The following QRSL1 variants were observed in gnomAD, a reference collection of about 807,000 sequenced individuals.
The protein encoded by QRSL1 is glutaminyl-tRNA amidotransferase subunit QRSL1.
In QRSL1, 54 loss-of-function variants were observed where a neutral mutation model predicts 61.6. The observed-to-expected ratio is 0.88, with a 90% CI of 0.70 to 1.10. QRSL1 has a LOEUF of 1.10. QRSL1 is among the 50% of genes least tolerant of loss of function. QRSL1 has a pLI of 0.00. For synonymous variants in QRSL1, 228 were observed against 225.7 expected (o/e 1.01, Z -0.09); for missense variants, 505 against 622.6 (o/e 0.81, Z 2.01).
intron 1 of QRSL1, among the ~76,000 whole-genome samples, chr6:106,639,440 G>A (rs1226601944): frequency 6.6e-6 from 1 of 152,076 alleles, no homozygotes; most frequent in African/African-American, 2.4e-5. Flanking sequence ...GTTGTTTTAA[G>A]GGTTAAATGA....
rs111428333 is a variant in QRSL1 at position 106,643,589 on chromosome 6, A to G, written c.380+499A>G. 1.8e-3 allele frequency among the ~76,000 whole-genome samples: 280 copies of G among 151,816 alleles called. 1 individual carries two copies. Among genetic ancestry groups the G allele is most frequent in the African/African-American group, 6.5e-3 (270 of 41,412 alleles). ...CAGCTACTTGGGAGGCTGAGGCGGG[A>G]GAATCGCTTGAACCCGGGAGGCGGA... On this transcript the variant is annotated intron_variant, in intron 4 of 10. Coordinates refer to ENST00000369046, the MANE Select transcript of QRSL1 (RefSeq NM_018292.5).
chr6:106,630,155 C>G (rs1420822321), intron 1 of QRSL1, among the ~76,000 whole-genome samples: 3 of 152,168 alleles, frequency 2.0e-5, no homozygotes. Flanking sequence ...TAGGATTTAC[C>G]TACCACTAAG....
Position 106,665,787 on chromosome 6 carries a change from C to A in QRSL1, c.1372C>A (p.Pro458Thr), listed in dbSNP as rs760171031. 6.2e-7 allele frequency: 1 copy of A among 1,613,724 alleles called. No individual in the cohort carries two copies. Residue 458 changes from proline to threonine, a missense_variant, in exon 11 of 11, where the codon CCA becomes ACA. Physicochemically the swap from Pro to Thr is conservative, Grantham distance 38 (BLOSUM62 -1). Coordinates refer to ENST00000369046, the MANE Select transcript of QRSL1 (RefSeq NM_018292.5). Reference protein sequence around the residue: ...FTQAVNMAGLPAVSIPVALSN... With the variant: ...FTQAVNMAGLTAVSIPVALSN... The stretch of plus-strand genomic sequence containing the variant: ...GGGTTTCCTTCTTTTCCCAGGATTG[C>A]CAGCAGTGAGTATCCCTGTTGCACT...
chr6:106,650,708 A>T (rs574877559), intron 5 of QRSL1, among the ~76,000 whole-genome samples: 4 of 152,360 alleles, frequency 2.6e-5, no homozygotes, highest in Admixed American at 2.0e-4. Flanking sequence ...AATAAGTTGC[A>T]GAACCCATTT....
intron 1 of QRSL1, among the ~76,000 whole-genome samples, chr6:106,637,252 G>C (rs1776939468): frequency 6.6e-6 from 1 of 152,338 alleles, no homozygotes; most frequent in East Asian, 1.9e-4. Flanking sequence ...AGATCAAACG[G>C]ATGTTAGTAA....
chr6:106,646,433 A>G (rs1300540114), intron 4 of QRSL1, among the ~76,000 whole-genome samples: 1 of 152,176 alleles, frequency 6.6e-6, no homozygotes, highest in African/African-American at 2.4e-5. Context: ...TATGAAAACA[A>G]AAAAAGGGCT....
intron 9 of QRSL1, among the ~76,000 whole-genome samples, chr6:106,659,745 A>G (rs1279152976): frequency 2.6e-5 from 4 of 152,236 alleles, no homozygotes; most frequent in African/African-American, 9.6e-5. Flanking sequence ...CTTTGTTAAG[A>G]TAAATCCAAA....
chr6:106,637,884 T>G (rs1227487289), intron 1 of QRSL1, among the ~76,000 whole-genome samples: 1 of 152,232 alleles, frequency 6.6e-6, no homozygotes, highest in East Asian at 1.9e-4. Context: ...TCCACTTCCC[T>G]TATTGATTTT....
Position 106,663,001 on chromosome 6 carries a change from C to T in QRSL1, c.1182C>T (p.Val394=), listed in dbSNP as rs755876680. The T allele has an allele frequency of 1.2e-6, 2 of 1,610,674 alleles. No homozygotes were observed. The highest frequency in any genetic ancestry group is 8.5e-7 in the Non-Finnish European group (1 of 1,176,916). ...LLKENYENYF[V]KAQKVRRLIA... ...ACAGAAACTATGAAAATTATTTTGT[C>T]AAAGCACAGAAAGTGAGACGCCTCA... Residue 394 remains valine, a synonymous_variant, in exon 10 of 11, where the codon GTC becomes GTT. Transcript: ENST00000369046.
Position 106,629,615 on chromosome 6 carries a change from C to T in QRSL1, c.-67C>T, listed in dbSNP as rs1776763280. On this transcript the variant is annotated 5_prime_UTR_variant, in exon 1 of 11. Coordinates refer to ENST00000369046, the MANE Select transcript of QRSL1 (RefSeq NM_018292.5). ...AGATGGCTGCGCCCATGTAACATCA[C>T]TAGCGACCGGTGACCTCTTTTTCCC... 25 of 1,554,110 alleles carry T rather than the reference C, an allele frequency of 1.6e-5. No homozygotes were observed. The highest frequency in any genetic ancestry group is 2.2e-5 in the Non-Finnish European group (25 of 1,148,444).
rs34221917 is a variant in QRSL1 at position 106,652,521 on chromosome 6, A to G, written c.788A>G (p.Asn263Ser). ...TCTACCACAGTACATGAACCTATTA[A>G]TAAACCATTCATGCTTCCCAGTTTG... ...RDSTTVHEPI[N>S]KPFMLPSLAD... The change falls in exon 7 of 11, where the codon AAT becomes AGT. Residue 263 changes from asparagine (N) to serine (S), a missense_variant. Coordinates refer to ENST00000369046, the MANE Select transcript of QRSL1 (RefSeq NM_018292.5). 75,171 of 1,614,220 alleles carry G rather than the reference A, an allele frequency of 0.047. 2,113 individuals carry two copies. The highest frequency in any genetic ancestry group is 0.1 in the South Asian group (9,068 of 91,082).
intron 1 of QRSL1, among the ~76,000 whole-genome samples, chr6:106,639,146 T>TTTTTTTTTTTTTTG (rs1776976536): frequency 6.8e-6 from 1 of 147,434 alleles, no homozygotes; most frequent in African/African-American, 2.5e-5. Flanking sequence ...TTTTTTTTTT[T>TTTTTTTTTTTTTTG]GACAGAGTCT....
intron 9 of QRSL1, among the ~76,000 whole-genome samples, chr6:106,659,583 T>G (rs944475518): frequency 6.6e-6 from 1 of 152,236 alleles, no homozygotes; most frequent in African/African-American, 2.4e-5. Context: ...ATGGGTCATA[T>G]TTTTTGCTGC....
chr6:106,645,452 T>TGGTG (rs1777092933), intron 4 of QRSL1, among the ~76,000 whole-genome samples: 3 of 152,030 alleles, frequency 2.0e-5, no homozygotes, highest in African/African-American at 4.8e-5. Context: ...AGACAGAATC[T>TGGTG]CACTCTGTCA....
At chr6:106,650,895 G>T (rs1396607365) in intron 5 of QRSL1, among the ~76,000 whole-genome samples, 1 of 152,116 alleles carries the variant, frequency 6.6e-6, no homozygotes, top group East Asian at 1.9e-4. Flanking sequence ...TAGTAGATAT[G>T]TACTGTTCTA....
chr6:106,642,615 A>G, intron 3 of QRSL1: 1 of 769,692 alleles, frequency 1.3e-6, no homozygotes, highest in Non-Finnish European at 2.3e-6. Flanking sequence ...ATGCCCCACA[A>G]GTGTTACCAT....
At chr6:106,643,197 C>T in intron 4 of QRSL1, 107 bp downstream of exon 4, 1 of 749,672 alleles carries the variant, frequency 1.3e-6, no homozygotes, top group Non-Finnish European at 2.2e-6. Context: ...TTTCTTAGTC[C>T]CTCTGTGAGA....
At position 106,665,846 on chromosome 6, in the gene QRSL1, T is replaced by G; in HGVS notation, c.1431T>G (p.Phe477Leu). Residue 477 changes from phenylalanine to leucine, a missense_variant, in exon 11 of 11, where the codon TTT becomes TTG. Physicochemically the swap from Phe to Leu is conservative, Grantham distance 22. Coordinates refer to ENST00000369046, the MANE Select transcript of QRSL1 (RefSeq NM_018292.5). ...SNQGLPIGLQ[F>L]IGRAFCDQQL... ...AAGGGTTGCCAATAGGACTGCAGTT[T>G]ATTGGACGTGCGTTTTGTGACCAGC... 1 of 1,613,958 alleles carries G rather than the reference T, an allele frequency of 6.2e-7. No individual in the cohort carries two copies. The highest frequency in any genetic ancestry group is 1.1e-5 in the South Asian group (1 of 91,068).
rs201614446 is a variant in QRSL1 at position 106,654,725 on chromosome 6, A to G, written c.850-5A>G. On this transcript the variant is annotated splice_region_variant and splice_polypyrimidine_tract_variant and intron_variant, in intron 7 of 10. Transcript: ENST00000369046. Reference sequence around the variant, plus strand: ...CAATTTTGTATCTTGACTTTTTGCTATAAGGAATATCTTGTACCGGAATTA... The same window carrying G: ...CAATTTTGTATCTTGACTTTTTGCTGTAAGGAATATCTTGTACCGGAATTA... 585 of 1,600,120 alleles carry G rather than the reference A, an allele frequency of 3.7e-4. 2 individuals carry two copies. The highest frequency in any genetic ancestry group is 4.5e-4 in the Non-Finnish European group (526 of 1,176,784).
Sources: allele counts gnomAD v4.1 joint callset (sites outside exome capture counted in the v4.1 genomes callset), GRCh38; gene constraint gnomAD v4.1.1; transcripts MANE v1.5; gene names NCBI Gene and HGNC (gene_info 2026-07-23, HGNC 2026-07-21).